CDH13: variants seen among roughly 807,000 people sequenced by gnomAD.
CDH13 encodes the protein cadherin-13.
CDH13 carries 24 observed loss-of-function variants against 63.8 expected under a neutral mutation model. The ratio of observed to expected loss-of-function variants is 0.38; its 90% CI spans 0.27 to 0.53. The LOEUF (loss-of-function observed/expected upper bound fraction) is 0.53, where lower values mean the gene tolerates loss of function less well. Ranked by LOEUF, CDH13 falls within the 20% of genes least tolerant of loss-of-function variation. The probability of loss-of-function intolerance (pLI) is 0.85; values close to 1 mark genes in which losing one functional copy is unlikely to be tolerated. For synonymous variants in CDH13, 503 were observed against 355.3 expected, an observed-to-expected ratio of 1.42 and a Z score of -4.67; for missense variants, 1,049 against 903.1, an observed-to-expected ratio of 1.16 and a Z score of -2.07.
intron 8 of CDH13, among the ~76,000 whole-genome samples, chr16:83,617,896 A>G (rs1285951266): frequency 2.0e-5 from 3 of 152,216 alleles, no homozygotes; most frequent in Admixed American, 6.5e-5. Flanking sequence ...GACATAAAAT[A>G]TTAAATATGC....
chr16:83,554,979 C>T (rs990956196), intron 7 of CDH13, among the ~76,000 whole-genome samples: 13 of 146,846 alleles, frequency 8.9e-5, no homozygotes, highest in Non-Finnish European at 1.8e-4. Context: ...TTGATGCTTC[C>T]TGAGGCCACC....
chr16:83,081,155 A>C (rs915360435), intron 3 of CDH13, among the ~76,000 whole-genome samples: 1 of 152,014 alleles, frequency 6.6e-6, no homozygotes, highest in Non-Finnish European at 1.5e-5. Context: ...TGCTGGGATT[A>C]TAAGCATGAG....
At chr16:82,772,518 A>G (rs886445317) in intron 1 of CDH13, among the ~76,000 whole-genome samples, 2 of 152,188 alleles carry the variant, frequency 1.3e-5, no homozygotes, top group Non-Finnish European at 2.9e-5. Flanking sequence ...AGGTCTCTCA[A>G]CCTGAGGTGG....
chr16:82,726,421 G>T (rs2033099105), intron 1 of CDH13, among the ~76,000 whole-genome samples: 1 of 152,158 alleles, frequency 6.6e-6, no homozygotes, highest in South Asian at 2.1e-4. Context: ...TAATTTTCAT[G>T]GACCACAAAC....
intron 3 of CDH13, among the ~76,000 whole-genome samples, chr16:83,098,655 C>G (rs1233976790): frequency 3.3e-5 from 5 of 152,144 alleles, no homozygotes; most frequent in Admixed American, 3.3e-4. Flanking sequence ...TTTTATTTTT[C>G]TTTGAGCATT....
At chr16:83,177,258 C>A (rs1480627753) in intron 4 of CDH13, among the ~76,000 whole-genome samples, 1 of 152,020 alleles carries the variant, frequency 6.6e-6, no homozygotes, top group African/African-American at 2.4e-5. Flanking sequence ...CAATTGATAA[C>A]ATTGCTCATG....
intron 8 of CDH13, among the ~76,000 whole-genome samples, chr16:83,636,059 G>T (rs925295608): frequency 1.3e-5 from 2 of 151,284 alleles, no homozygotes; most frequent in African/African-American, 2.4e-5. Context: ...TTTAGAAATA[G>T]CTATCCTTCT....
intron 2 of CDH13, among the ~76,000 whole-genome samples, chr16:82,989,510 G>A (rs1049030700): frequency 4.6e-5 from 7 of 152,164 alleles, no homozygotes; most frequent in Admixed American, 3.9e-4. Context: ...CAGCAAAGTG[G>A]TGCCTGAAGG....
intron 1 of CDH13, among the ~76,000 whole-genome samples, chr16:82,714,993 A>G (rs2032260391): frequency 7.4e-6 from 1 of 136,054 alleles, no homozygotes; most frequent in Non-Finnish European, 1.6e-5. Flanking sequence ...ACTTTGTTCC[A>G]GCATCCGTAG....
At chr16:83,011,590 C>T (rs779926877) in intron 2 of CDH13, among the ~76,000 whole-genome samples, 1 of 152,150 alleles carries the variant, frequency 6.6e-6, no homozygotes, top group Non-Finnish European at 1.5e-5. Context: ...GCTCCTGTAC[C>T]AGGTTGCACA....
chr16:82,660,586 G>T (rs1911821043), intron 1 of CDH13, among the ~76,000 whole-genome samples: 1 of 151,620 alleles, frequency 6.6e-6, no homozygotes, highest in East Asian at 2.0e-4. Flanking sequence ...AAAGAAAGAT[G>T]ACAACCTAGG....
chr16:83,410,741 A>T (rs1466971449), intron 6 of CDH13, among the ~76,000 whole-genome samples: 3 of 152,174 alleles, frequency 2.0e-5, no homozygotes, highest in African/African-American at 7.2e-5. Context: ...AGAAGGTTCA[A>T]TTTAATTATG....
intron 7 of CDH13, among the ~76,000 whole-genome samples, chr16:83,512,578 G>A (rs1426633659): frequency 2.7e-5 from 4 of 150,870 alleles, no homozygotes; most frequent in African/African-American, 7.3e-5. Context: ...TGACACAGAA[G>A]AATCATTTGA....
intron 6 of CDH13, among the ~76,000 whole-genome samples, chr16:83,460,399 T>G (rs2073144319): frequency 6.6e-6 from 1 of 152,198 alleles, no homozygotes; most frequent in Admixed American, 6.5e-5. Context: ...GAATTCTCAT[T>G]TATGCCCCTG....
intron 2 of CDH13, among the ~76,000 whole-genome samples, chr16:82,945,368 T>A (rs1170385910): frequency 6.6e-6 from 1 of 152,184 alleles, no homozygotes; most frequent in Non-Finnish European, 1.5e-5. Context: ...CAAGCCTCAG[T>A]GTAGGTCTTC....
At chr16:83,162,875 C>T (rs1202594273) in intron 4 of CDH13, among the ~76,000 whole-genome samples, 2 of 152,048 alleles carry the variant, frequency 1.3e-5, no homozygotes, top group South Asian at 2.1e-4. Flanking sequence ...ATGCCTAAAT[C>T]CCCAACTTGT....
At chr16:83,150,828 T>TAAA (rs2036947978) in intron 4 of CDH13, among the ~76,000 whole-genome samples, 1 of 152,222 alleles carries the variant, frequency 6.6e-6, no homozygotes, top group Admixed American at 6.5e-5. Flanking sequence ...TTTTGTGTGG[T>TAAA]GAACAACCTG....
intron 1 of CDH13, among the ~76,000 whole-genome samples, chr16:82,788,390 C>A (rs115398592): frequency 1.3e-5 from 2 of 152,134 alleles, no homozygotes; most frequent in African/African-American, 2.4e-5. Flanking sequence ...CCTGGACGAC[C>A]GCCCTGATGT....
intron 1 of CDH13, among the ~76,000 whole-genome samples, chr16:82,676,657 A>C (rs1046164515): frequency 1.3e-5 from 2 of 152,058 alleles, no homozygotes; most frequent in East Asian, 1.9e-4. Flanking sequence ...AAAATCCTTC[A>C]GTGGCCTGCC....
Sources: allele counts gnomAD v4.1 joint callset (sites outside exome capture counted in the v4.1 genomes callset), GRCh38; gene constraint gnomAD v4.1.1; transcripts MANE v1.5; gene names NCBI Gene and HGNC (gene_info 2026-07-23, HGNC 2026-07-21).